The following DNM3 variants were observed in gnomAD, a reference collection of about 807,000 sequenced individuals.
DNM3 encodes the protein dynamin 3.
Under a neutral mutation model 101.6 loss-of-function variants are expected in DNM3, and 47 were observed. The observed-to-expected ratio is 0.46, with a 90% CI of 0.37 to 0.59. DNM3 has a LOEUF of 0.59. DNM3 is among the 20% of genes least tolerant of loss of function. The pLI is 0.00. For missense variants in DNM3, 849 were observed against 1,085.7 expected (o/e 0.78, Z 3.06); for synonymous variants, 385 against 387.9 (o/e 0.99, Z 0.09).
chr1:172,046,388 C>T (rs1333237050), intron 9 of DNM3, among the ~76,000 whole-genome samples: 2 of 152,062 alleles, frequency 1.3e-5, no homozygotes, highest in Non-Finnish European at 2.9e-5. Flanking sequence ...GGGAACATCA[C>T]ACTCTGGGGA....
chr1:172,168,253 T>A (rs1296815134), intron 14 of DNM3, among the ~76,000 whole-genome samples: 2 of 151,986 alleles, frequency 1.3e-5, no homozygotes, highest in Non-Finnish European at 2.9e-5. Context: ...TCTCCCTTTT[T>A]TTTTTGTCTT....
intron 1 of DNM3, among the ~76,000 whole-genome samples, chr1:171,868,707 T>A (rs2034994074): frequency 6.6e-6 from 1 of 152,186 alleles, no homozygotes; most frequent in Non-Finnish European, 1.5e-5. Flanking sequence ...AAAAACTTAA[T>A]TTTTGTGTAC....
At chr1:172,098,557 G>T (rs1292577107) in intron 13 of DNM3, among the ~76,000 whole-genome samples, 1 of 152,128 alleles carries the variant, frequency 6.6e-6, no homozygotes. Flanking sequence ...CTCAGCTTAC[G>T]AAGATGACGG....
intron 2 of DNM3, among the ~76,000 whole-genome samples, chr1:171,925,394 A>AT (rs920087319): frequency 6.1e-4 from 91 of 149,946 alleles, no homozygotes; most frequent in African/African-American, 1.6e-3. Flanking sequence ...CACCTGGCTA[A>AT]TTTTTTTTTG....
rs141164100 is a variant in DNM3, at chr1:172,336,165, C to T, written c.1893+12825C>T. On this transcript the variant is annotated intron_variant, in intron 17 of 20. Coordinates refer to ENST00000627582, the MANE Select transcript of DNM3 (RefSeq NM_015569.5). ...ACAGCCCCCCACACAAAGAATGATC[C>T]GTCTAAAATGTCAGTAGTACTGCTG... Among the ~76,000 whole-genome samples the T allele has an allele frequency of 1.4e-3, 210 of 152,074 alleles. 1 individual carries two copies. Among genetic ancestry groups the T allele is most frequent in the African/African-American group, 4.6e-3 (192 of 41,470 alleles).
intron 16 of DNM3, 90 bp from the exon 17 acceptor site, chr1:172,323,239 A>C: frequency 3.0e-6 from 4 of 1,336,346 alleles, no homozygotes; most frequent in Non-Finnish European, 4.1e-6. Context: ...TTTAATATCC[A>C]GAGAAAGTAG....
rs2059389548 is a variant in DNM3 at position 172,182,641 on chromosome 1, G to T, written c.1659+51353G>T. On this transcript the variant is annotated intron_variant, in intron 14 of 20. Coordinates refer to ENST00000627582, the MANE Select transcript of DNM3 (RefSeq NM_015569.5). ...ACTCACTAAAGTGGAGCATAGAGAG[G>T]CCTTCTGCTCTGCATGCCCCTCCCT... Among the ~76,000 whole-genome samples, 3 of 152,196 alleles carry T rather than the reference G, an allele frequency of 2.0e-5. No individual in the cohort carries two copies. The South Asian group carries it at 6.2e-4, about 32-fold the overall frequency.
chr1:172,293,118 A>G (rs1316276782), intron 15 of DNM3, among the ~76,000 whole-genome samples: 3 of 152,168 alleles, frequency 2.0e-5, no homozygotes, highest in Non-Finnish European at 4.4e-5. Context: ...CCACTCCTAA[A>G]AGTTTATTTT....
chr1:172,403,081 G>A (rs2070623131), intron 20 of DNM3, among the ~76,000 whole-genome samples: 1 of 152,106 alleles, frequency 6.6e-6, no homozygotes, highest in Non-Finnish European at 1.5e-5. Context: ...GGTCCAATTT[G>A]AGAACCATTG....
At chr1:172,396,154 T>C (rs2069975773) in intron 20 of DNM3, among the ~76,000 whole-genome samples, 2 of 152,220 alleles carry the variant, frequency 1.3e-5, no homozygotes, top group South Asian at 4.1e-4. Flanking sequence ...ACTATTCCCA[T>C]AAGCACTAGG....
At chr1:171,923,361 A>T (rs941317111) in intron 2 of DNM3, among the ~76,000 whole-genome samples, 2 of 151,880 alleles carry the variant, frequency 1.3e-5, no homozygotes, top group Non-Finnish European at 2.9e-5. Context: ...AAATTTGGTT[A>T]TTTGCCTTTG....
At chr1:171,855,187 G>A (rs1345742830) in intron 1 of DNM3, among the ~76,000 whole-genome samples, 4 of 152,076 alleles carry the variant, frequency 2.6e-5, no homozygotes, top group Non-Finnish European at 5.9e-5. Context: ...AGCTCCGTCC[G>A]TGTTCCTGCA....
At chr1:172,391,598 C>A (rs970724225) in intron 20 of DNM3, among the ~76,000 whole-genome samples, 6 of 152,190 alleles carry the variant, frequency 3.9e-5, no homozygotes, top group Non-Finnish European at 7.3e-5. Flanking sequence ...TTAATATATT[C>A]TATTTCCCCT....
At chr1:172,008,494 T>C (rs562409972) in intron 4 of DNM3, among the ~76,000 whole-genome samples, 1 of 151,952 alleles carries the variant, frequency 6.6e-6, no homozygotes, top group South Asian at 2.1e-4. Context: ...TGTGCCTTCG[T>C]CAAAAATCAG....
chr1:172,413,720 G>A (rs951986610), downstream of DNM3, among the ~76,000 whole-genome samples: 1 of 152,202 alleles, frequency 6.6e-6, no homozygotes, highest in Non-Finnish European at 1.5e-5. Context: ...GGAGGAGAGA[G>A]ATGTTGATTT....
chr1:172,401,433 T>C (rs2070475938), intron 20 of DNM3, among the ~76,000 whole-genome samples: 1 of 152,228 alleles, frequency 6.6e-6, no homozygotes, highest in African/African-American at 2.4e-5. Context: ...CAGATTATAT[T>C]ACCATTTATG....
chr1:172,380,434 T>C (rs1377444473), intron 18 of DNM3, among the ~76,000 whole-genome samples: 1 of 152,096 alleles, frequency 6.6e-6, no homozygotes, highest in African/African-American at 2.4e-5. Context: ...ATGTGAACAA[T>C]CTTATTTTTA....
chr1:171,941,769 C>G (rs936056038), intron 2 of DNM3, among the ~76,000 whole-genome samples: 2 of 152,108 alleles, frequency 1.3e-5, no homozygotes, highest in African/African-American at 4.8e-5. Flanking sequence ...TTGAATGAAC[C>G]CCTAACCAAA....
At chr1:172,085,521 T>C (rs370166562) in intron 12 of DNM3, among the ~76,000 whole-genome samples, 2 of 152,152 alleles carry the variant, frequency 1.3e-5, no homozygotes, top group East Asian at 1.9e-4. Context: ...AGAGGGACTA[T>C]AGATATGTGC....
Sources: gnomAD v4.1 joint callset for allele counts (sites outside exome capture counted in the v4.1 genomes callset) on GRCh38, gnomAD v4.1.1 for gene constraint, MANE v1.5 for transcripts, NCBI Gene and HGNC (gene_info 2026-07-23, HGNC 2026-07-21) for gene names.